Variants in CFAP46 observed in about 807,000 individuals in gnomAD.
CFAP46 encodes cilia and flagella associated protein 46.
In CFAP46, 245 loss-of-function variants were observed where a neutral mutation model predicts 325.7. That is an observed-to-expected ratio of 0.75 (90% CI 0.68 to 0.84). The LOEUF (loss-of-function observed/expected upper bound fraction) is 0.84, where lower values mean the gene tolerates loss of function less well. Among genes scored for constraint, CFAP46 ranks in the 40% least tolerant of loss-of-function variants. CFAP46 has a pLI of 0.00. For synonymous variants in CFAP46, 1,523 were observed against 1,495.9 expected, an observed-to-expected ratio of 1.02 and a Z score of -0.42; for missense variants, 3,346 against 3,543.0, an observed-to-expected ratio of 0.94 and a Z score of 1.41.
Position 132,925,512 on chromosome 10 carries a change from C to T in CFAP46, c.1066-626G>A, listed in dbSNP as rs116962614. Among the ~76,000 whole-genome samples the T allele has an allele frequency of 9.2e-5, 14 of 152,368 alleles. No individual in the cohort carries two copies. The East Asian group carries it at 2.5e-3, about 27-fold the overall frequency. On this transcript the variant is annotated intron_variant, in intron 10 of 57. Transcript: ENST00000368586. ...CCTCTGAGGTCCTCAGCAGGTGAGT[C>T]GGGGAAGCAGCCGCACAACCCACAG...
chr10:132,823,015 TG>T (rs1291277752), intron 50 of CFAP46, among the ~76,000 whole-genome samples: 1 of 141,686 alleles, frequency 7.1e-6, no homozygotes, highest in Non-Finnish European at 1.5e-5. Flanking sequence ...GTGTGCTGTG[TG>T]TGCTGTGTGC....
At chr10:132,864,432 C>T (rs112245944) in intron 35 of CFAP46, among the ~76,000 whole-genome samples, 2 of 126,156 alleles carry the variant, frequency 1.6e-5, no homozygotes, top group African/African-American at 2.9e-5. Context: ...ACACCTGTCC[C>T]CAGTGCCTGA....
intron 40 of CFAP46, among the ~76,000 whole-genome samples, 171 bp from the exon 41 acceptor site, chr10:132,850,603 C>T (rs1848522245): frequency 6.6e-6 from 1 of 152,174 alleles, no homozygotes; most frequent in East Asian, 1.9e-4. Context: ...GTGGGGGTCA[C>T]AGACGTCTGC....
At chr10:132,929,345 G>A (rs1032087473) in intron 9 of CFAP46, 5 of 614,750 alleles carry the variant, frequency 8.1e-6, no homozygotes, top group South Asian at 1.9e-5. Context: ...AGTGAACTGC[G>A]GGTAACGAGG....
At chr10:132,890,624 C>G (rs1206229396) in intron 25 of CFAP46, among the ~76,000 whole-genome samples, 1 of 152,180 alleles carries the variant, frequency 6.6e-6, no homozygotes, top group East Asian at 1.9e-4. Context: ...CTCTCCAAAA[C>G]CCTCGAGACC....
intron 16 of CFAP46, among the ~76,000 whole-genome samples, chr10:132,916,883 T>A (rs11146032): frequency 0.012 from 1,782 of 152,192 alleles, 24 homozygotes; most frequent in Non-Finnish European, 0.017. Context: ...ACAGACTCTC[T>A]CCACCCATTA....
chr10:132,905,976 C>A (rs555514861), intron 22 of CFAP46, among the ~76,000 whole-genome samples: 43 of 152,212 alleles, frequency 2.8e-4, no homozygotes, highest in Non-Finnish European at 5.0e-4. Context: ...TTATTACAGG[C>A]TGCAGGGAAA....
intron 15 of CFAP46, 71 bp from the exon 16 acceptor site, chr10:132,918,591 A>G (rs11146033): frequency 0.027 from 39,726 of 1,464,564 alleles, 756 homozygotes; most frequent in African/African-American, 0.075. Flanking sequence ...AGAATTCCTG[A>G]ACCATCTTGG....
At chr10:132,912,312 G>T (rs1219528175) in intron 19 of CFAP46, among the ~76,000 whole-genome samples, 2 of 66,520 alleles carry the variant, frequency 3.0e-5, no homozygotes, top group African/African-American at 9.5e-5. Context: ...TCTTTCTCCT[G>T]TCTCTTCTCC....
intron 26 of CFAP46, 26 bp from the exon 27 acceptor site, chr10:132,885,312 A>G: frequency 6.7e-7 from 1 of 1,491,704 alleles, no homozygotes; most frequent in Admixed American, 2.0e-5. Flanking sequence ...GTGAGAAACC[A>G]ACGTCAGGAT....
rs950640282 is a variant in CFAP46, at chr10:132,872,798, G to A, written c.4389C>T (p.His1463=). ...ACATCTTCTGCAGGGCCTTGACCAG[G>A]TGGTCCAGGAAATACAAACTGTATG... The part of the protein sequence containing the change: ...KPTYSLYFLD[H]LVKALQKMCL... The change falls in exon 32 of 58, where the codon CAC becomes CAT. Residue 1463 remains histidine, a synonymous_variant. Transcript: ENST00000368586. 6.1e-5 allele frequency: 95 copies of A among 1,550,984 alleles called. No individual in the cohort carries two copies. The Middle Eastern group carries it at 1.0e-3, about 16-fold the overall frequency.
intron 10 of CFAP46, 125 bp from the exon 11 acceptor site, chr10:132,925,011 G>T: frequency 1.4e-6 from 1 of 713,484 alleles, no homozygotes; most frequent in Non-Finnish European, 2.1e-6. Context: ...GTGGCGTCAT[G>T]CTCAAATCTG....
chr10:132,862,812 G>A (rs1057248068), intron 35 of CFAP46, among the ~76,000 whole-genome samples: 2 of 151,278 alleles, frequency 1.3e-5, no homozygotes, highest in African/African-American at 2.4e-5. Flanking sequence ...GGAGGGGGAC[G>A]GGGCGGCCGG....
In CFAP46 at chr10:132,846,986, C is replaced by G; in HGVS notation, c.6213G>C (p.Glu2071Asp). The stretch of plus-strand genomic sequence containing the variant: ...TTGCAGGGTCCAGGGTGCCGACACA[C>G]TCCACCATCTCCAGGCTGGCGGCTG... ...VAAAASLEMV[E>D]CVGTLDPATT... The change falls in exon 43 of 58, where the codon GAG becomes GAC. Residue 2071 changes from glutamate to aspartate, a missense_variant. Transcript: ENST00000368586. 1.2e-6 allele frequency: 2 copies of G among 1,611,040 alleles called. No homozygotes were observed. The highest frequency in any genetic ancestry group is 1.7e-6 in the Non-Finnish European group (2 of 1,179,746).
chr10:132,836,478 C>T (rs1295018679), intron 45 of CFAP46, among the ~76,000 whole-genome samples: 3 of 152,212 alleles, frequency 2.0e-5, no homozygotes, highest in Non-Finnish European at 4.4e-5. Flanking sequence ...CCAGAGGCAC[C>T]GCCGGCTGGC....
At chr10:132,852,073 A>G (rs201695354) in intron 39 of CFAP46, among the ~76,000 whole-genome samples, 58 of 123,210 alleles carry the variant, frequency 4.7e-4, no homozygotes, top group Middle Eastern at 4.9e-3. Flanking sequence ...CATTTACTTA[A>G]GAATTCTCAG....
At chr10:132,872,932 T>TGCACACAGCAGGTGCTCAGCGCGTGTCC in intron 31 of CFAP46, 108 bp from the exon 32 acceptor site, 2 of 1,278,370 alleles carry the variant, frequency 1.6e-6, no homozygotes, top group Non-Finnish European at 2.2e-6. Context: ...AGCACATGTC[T>TGCACACAGCAGGTGCTCAGCGCGTGTCC]GCACACAGCA....
intron 24 of CFAP46, among the ~76,000 whole-genome samples, chr10:132,895,759 A>C (rs1849308922): frequency 6.6e-6 from 1 of 152,260 alleles, no homozygotes; most frequent in South Asian, 2.1e-4. Flanking sequence ...TGAGACTCTA[A>C]CCCTCACTGT....
At chr10:132,929,301 T>C (rs1849855265) in intron 9 of CFAP46, 2 of 598,894 alleles carry the variant, frequency 3.3e-6, no homozygotes, top group South Asian at 2.0e-5. Flanking sequence ...AATATTTTCA[T>C]ACTGTAGCTG....
Sources: gnomAD v4.1 joint callset for allele counts (sites outside exome capture counted in the v4.1 genomes callset) on GRCh38, gnomAD v4.1.1 for gene constraint, MANE v1.5 for transcripts, NCBI Gene and HGNC (gene_info 2026-07-23, HGNC 2026-07-21) for gene names.